Variants in NUP210L observed in about 807,000 individuals in gnomAD.
The protein encoded by NUP210L is nucleoporin 210 like, also known as nuclear pore membrane glycoprotein 210-like.
In NUP210L, 74 loss-of-function variants were observed where a neutral mutation model predicts 208.5. The ratio of observed to expected loss-of-function variants is 0.35; its 90% CI spans 0.29 to 0.43. NUP210L has a LOEUF of 0.43. Among genes scored for constraint, NUP210L ranks in the 20% least tolerant of loss-of-function variants. NUP210L has a pLI of 1.00. For missense variants in NUP210L, 1,843 were observed against 2,289.4 expected (o/e 0.81, Z 3.98); for synonymous variants, 780 against 816.9 (o/e 0.95, Z 0.77).
At chr1:154,025,616 C>A in exon 30 of NUP210L, 1 of 1,613,714 alleles carries the variant, frequency 6.2e-7, no homozygotes, top group Non-Finnish European at 8.5e-7. Flanking sequence ...GCAGTACCTG[C>A]AATGGAACCA....
intron 25 of NUP210L, among the ~76,000 whole-genome samples, chr1:154,052,998 C>T (rs1653611254): frequency 6.6e-6 from 1 of 152,192 alleles, no homozygotes; most frequent in Admixed American, 6.5e-5. Context: ...GGCACTTCAA[C>T]CTCAAATGAT....
At chr1:154,101,028 C>T (rs1656444259) in intron 13 of NUP210L, among the ~76,000 whole-genome samples, 1 of 151,480 alleles carries the variant, frequency 6.6e-6, no homozygotes, top group South Asian at 2.1e-4. Flanking sequence ...CAAAATTAGC[C>T]AGGTGTGGCG....
intron 2 of NUP210L, among the ~76,000 whole-genome samples, chr1:154,149,533 A>AC (rs1372565153): frequency 1.3e-5 from 2 of 151,984 alleles, no homozygotes; most frequent in Non-Finnish European, 2.9e-5. Context: ...CAACCCCACT[A>AC]CCATAGTCTT....
chr1:154,149,491 G>T (rs1274905180), intron 2 of NUP210L, among the ~76,000 whole-genome samples: 1 of 152,112 alleles, frequency 6.6e-6, no homozygotes, highest in Non-Finnish European at 1.5e-5. Flanking sequence ...AGGCAGGATT[G>T]CTTGAGCCCA....
intron 33 of NUP210L, among the ~76,000 whole-genome samples, chr1:154,012,849 A>C (rs1651008444): frequency 6.6e-6 from 1 of 151,014 alleles, no homozygotes; most frequent in South Asian, 2.1e-4. Flanking sequence ...ACTAAAAAAA[A>C]CACAAAATTA....
intron 35 of NUP210L, among the ~76,000 whole-genome samples, chr1:154,005,718 A>AT (rs886544011): frequency 1.6e-4 from 18 of 110,792 alleles, no homozygotes; most frequent in Non-Finnish European, 1.9e-4. Context: ...GTATTTTTGT[A>AT]TTTTTTTTTC....
rs551570051 is a variant in NUP210L, at chr1:154,149,525, A to G, written c.340+3211T>C. Among the ~76,000 whole-genome samples, 4 of 152,206 alleles carry G rather than the reference A, an allele frequency of 2.6e-5. No individual in the cohort carries two copies. In the South Asian group the frequency reaches 8.3e-4, roughly 32 times the overall value. ...CAGGAGTTCAAGACCAGCCTGAGCA[A>G]CCCCACTACCATAGTCTTACAAAAA... is the stretch of plus-strand genomic sequence containing the variant. On this transcript the variant is annotated intron_variant, in intron 2 of 39. Coordinates refer to ENST00000368559, the Ensembl canonical transcript of NUP210L.
intron 35 of NUP210L, among the ~76,000 whole-genome samples, chr1:154,004,004 A>C (rs1375716894): frequency 6.6e-6 from 1 of 151,774 alleles, no homozygotes; most frequent in Non-Finnish European, 1.5e-5. Flanking sequence ...CAGACCCATT[A>C]GTCTGGTCTA....
Position 154,135,981 on chromosome 1 carries a change from C to T in NUP210L, c.851-9G>A, listed in dbSNP as rs762289833. 3 of 1,580,438 alleles carry T rather than the reference C, an allele frequency of 1.9e-6. No individual in the cohort carries two copies. Among genetic ancestry groups the T allele is most frequent in the East Asian group, 2.2e-5 (1 of 44,726 alleles). On this transcript the variant is annotated splice_polypyrimidine_tract_variant and intron_variant, in intron 6 of 39. Transcript: ENST00000368559. ...CAGGGGAAATTTCACCTCTGTAAGA[C>T]ATGAAAGATACATAAATGTAATGAC...
intron 16 of NUP210L, among the ~76,000 whole-genome samples, chr1:154,072,772 G>A (rs1654824606): frequency 1.3e-5 from 2 of 152,102 alleles, no homozygotes; most frequent in East Asian, 1.9e-4. Context: ...AAATCAATTC[G>A]AGATGGATCA....
intron 32 of NUP210L, among the ~76,000 whole-genome samples, 182 bp downstream of exon 32, chr1:154,021,944 A>G (rs1383194875): frequency 6.6e-6 from 1 of 152,172 alleles, no homozygotes; most frequent in Non-Finnish European, 1.5e-5. Flanking sequence ...TAGGGGATTA[A>G]TTGCTTTCTT....
chr1:154,088,840 C>G (rs193205594), intron 16 of NUP210L, among the ~76,000 whole-genome samples: 2 of 152,110 alleles, frequency 1.3e-5, no homozygotes, highest in Non-Finnish European at 2.9e-5. Context: ...CTGTACTCAA[C>G]ATTGTTTATT....
At chr1:154,008,151 C>T (rs1410774376) in intron 35 of NUP210L, among the ~76,000 whole-genome samples, 2 of 152,056 alleles carry the variant, frequency 1.3e-5, no homozygotes, top group Non-Finnish European at 1.5e-5. Context: ...GGATTACGAG[C>T]GTGAGCCACT....
At chr1:154,024,577 G>GC (rs1308362305) in intron 30 of NUP210L, among the ~76,000 whole-genome samples, 1 of 151,986 alleles carries the variant, frequency 6.6e-6, no homozygotes, top group African/African-American at 2.4e-5. Flanking sequence ...AGGCTGCAGT[G>GC]CAGCAGTTCA....
At position 154,098,331 on chromosome 1, in the gene NUP210L, C is replaced by A. The variant is rs187533773; in HGVS notation, c.1965+1667G>T. On this transcript the variant is annotated intron_variant, in intron 14 of 39. Coordinates refer to ENST00000368559, the Ensembl canonical transcript of NUP210L. Reference sequence around the variant, plus strand: ...GTCACAGTTCTCTCCTTCTCTTCACCCACAACGTGGTGAGCAAGGGGTATG... The same window carrying A: ...GTCACAGTTCTCTCCTTCTCTTCACACACAACGTGGTGAGCAAGGGGTATG... 1.4e-3 allele frequency among the ~76,000 whole-genome samples: 213 copies of A among 152,314 alleles called. 2 individuals carry two copies. The highest frequency in any genetic ancestry group is 1.4e-3 in the Non-Finnish European group (94 of 68,016).
In NUP210L at chr1:154,022,168, C is replaced by T. The variant is rs1461457848; in HGVS notation, c.4474G>A (p.Gly1492Arg). 22 of 1,614,012 alleles carry T rather than the reference C, an allele frequency of 1.4e-5. No individual in the cohort carries two copies. Among genetic ancestry groups the T allele is most frequent in the Non-Finnish European group, 1.8e-5 (21 of 1,180,024 alleles). ...TGAGTACTGAAGCAGATGATATCTC[C>T]AACAAAGGTAAGCTTGGTGTCTGGC... Residue 1492 changes from glycine (G) to arginine (R), a missense_variant, in exon 32 of 40, where the codon GGA becomes AGA. Around this residue, in one of 5 missense-constraint regions of NUP210L, gnomAD observed 781 missense variants for 973.8 expected, o/e 0.80. Coordinates refer to ENST00000368559, the Ensembl canonical transcript of NUP210L.
At position 153,996,848 on chromosome 1, in the gene NUP210L, C is replaced by CTT. The variant is rs747835495; in HGVS notation, c.5387-1670_5387-1669dup. On this transcript the variant is annotated intron_variant, in intron 37 of 39. Coordinates refer to ENST00000368559, the Ensembl canonical transcript of NUP210L. ...ATCCTCAATAAAACTGTAGACTTGCCTTTTTTTTTTTTTTTTTTTTTGAGA... is the reference window on the plus strand; with the variant it reads ...ATCCTCAATAAAACTGTAGACTTGCCTTTTTTTTTTTTTTTTTTTTTTTGAGA... Among the ~76,000 whole-genome samples the CTT allele has an allele frequency of 6.3e-3, 651 of 103,662 alleles. 15 individuals are homozygous for CTT. Among genetic ancestry groups the CTT allele is most frequent in the Middle Eastern group, 0.014 (2 of 144 alleles). 68.0% of individuals were successfully genotyped at this position (103,662 alleles called of 152,430 possible).
intron 34 of NUP210L, among the ~76,000 whole-genome samples, chr1:154,011,449 C>T (rs996980462): frequency 6.6e-6 from 1 of 151,596 alleles, no homozygotes; most frequent in Non-Finnish European, 1.5e-5. Flanking sequence ...GTCTCGAACT[C>T]CTGACCTCAT....
chr1:154,150,267 G>A lies in NUP210L; in HGVS notation c.340+2469C>T, dbSNP rs12567507. Among the ~76,000 whole-genome samples the A allele has an allele frequency of 4.7e-3, 722 of 152,148 alleles. 16 individuals carry two copies. The highest frequency in any genetic ancestry group is 0.045 in the East Asian group (234 of 5,156). ...CACATGTCTGTAATCCCAGCTACTC[G>A]GGAGGCTGAGGCAGGATAATCGCTT... On this transcript the variant is annotated intron_variant, in intron 2 of 39. Transcript: ENST00000368559.
Sources: allele counts gnomAD v4.1 joint callset (sites outside exome capture counted in the v4.1 genomes callset), GRCh38; gene constraint gnomAD v4.1.1; regional missense constraint gnomAD v4.1.1; transcripts MANE v1.5; gene names NCBI Gene and HGNC (gene_info 2026-07-23, HGNC 2026-07-21).